NELL1: variants seen among roughly 807,000 people sequenced by gnomAD.
NELL1 encodes the protein protein kinase C-binding protein NELL1.
Under a neutral mutation model 107.4 loss-of-function variants are expected in NELL1, and 76 were observed. That is an observed-to-expected ratio of 0.71 (90% confidence interval 0.59 to 0.86). The LOEUF (loss-of-function observed/expected upper bound fraction) is 0.86, where lower values mean the gene tolerates loss of function less well. Among genes scored for constraint, NELL1 ranks in the 40% least tolerant of loss-of-function variants. The pLI is 0.00. For missense variants in NELL1, 1,024 were observed against 1,005.5 expected, an observed-to-expected ratio of 1.02 and a Z score of -0.25; for synonymous variants, 353 against 341.2, an observed-to-expected ratio of 1.03 and a Z score of -0.38.
At position 20,692,153 on chromosome 11, in the gene NELL1, T is replaced by C. The variant is rs542833422; in HGVS notation, c.184+14093T>C. On this transcript the variant is annotated intron_variant, in intron 2 of 19. Transcript: ENST00000357134. Reference sequence around the variant, plus strand: ...ATATCCCCTTTATCATTTTTTATTGTGTCTATTTGATTCTTCTCTCTTTTT... The same window carrying C: ...ATATCCCCTTTATCATTTTTTATTGCGTCTATTTGATTCTTCTCTCTTTTT... Among the ~76,000 whole-genome samples the C allele has an allele frequency of 8.2e-3, 1,236 of 151,214 alleles. 11 individuals are homozygous for C. The highest frequency in any genetic ancestry group is 0.028 in the African/African-American group (1,164 of 41,254).
intron 14 of NELL1, among the ~76,000 whole-genome samples, chr11:21,234,434 T>G (rs1858147863): frequency 6.6e-6 from 1 of 152,068 alleles, no homozygotes; most frequent in South Asian, 2.1e-4. Context: ...AACTTTGGGG[T>G]TTCTCACTCC....
intron 5 of NELL1, among the ~76,000 whole-genome samples, chr11:20,908,216 G>T (rs1850047251): frequency 6.6e-6 from 1 of 152,132 alleles, no homozygotes; most frequent in Non-Finnish European, 1.5e-5. Context: ...ATAGCCAAAG[G>T]AATATAAGTC....
intron 14 of NELL1, among the ~76,000 whole-genome samples, chr11:21,318,801 T>G (rs1162894181): frequency 1.3e-5 from 2 of 152,096 alleles, no homozygotes; most frequent in Non-Finnish European, 2.9e-5. Context: ...TTTGCTTTAT[T>G]TCTGCTAGGA....
At chr11:21,371,990 A>G (rs1226348108) in intron 15 of NELL1, among the ~76,000 whole-genome samples, 2 of 152,092 alleles carry the variant, frequency 1.3e-5, no homozygotes, top group Non-Finnish European at 2.9e-5. Context: ...TAATCCTTTT[A>G]AAGACATGCC....
chr11:21,229,206 A>G (rs574990169), intron 13 of NELL1, 126 bp from the exon 14 acceptor site: 24 of 1,011,764 alleles, frequency 2.4e-5, no homozygotes, highest in East Asian at 1.9e-4. Context: ...TTTTAGGCGC[A>G]TAGTAAGGTA....
chr11:20,706,373 A>G (rs368092960), intron 2 of NELL1, among the ~76,000 whole-genome samples: 3 of 152,118 alleles, frequency 2.0e-5, no homozygotes, highest in East Asian at 1.9e-4. Flanking sequence ...TTGTAGGGAC[A>G]TGGATGAAGC....
Position 21,170,657 on chromosome 11 carries a change from ATATATATACTGTAT to A in NELL1, c.1426+56952_1426+56965del, listed in dbSNP as rs1157790964. ...ACATACAAATGTGTCTTTCCAGTATATATATATACTGTATTATATATATACTGTAGTTTATATAT... is the reference window on the plus strand; with the variant it reads ...ACATACAAATGTGTCTTTCCAGTATATATATATATACTGTAGTTTATATAT... On this transcript the variant is annotated intron_variant, in intron 13 of 19. Transcript: ENST00000357134. 7.9e-3 allele frequency among the ~76,000 whole-genome samples: 1,188 copies of A among 149,672 alleles called. 44 individuals are homozygous for A. The highest frequency in any genetic ancestry group is 0.028 in the African/African-American group (1,121 of 40,646).
At chr11:20,921,160 A>G (rs1850368451) in intron 7 of NELL1, among the ~76,000 whole-genome samples, 1 of 152,160 alleles carries the variant, frequency 6.6e-6, no homozygotes, top group Non-Finnish European at 1.5e-5. Context: ...AATTATAACT[A>G]TTGAAAACTA....
intron 11 of NELL1, 123 bp from the exon 12 acceptor site, chr11:20,960,309 T>G (rs1851264110): frequency 9.9e-6 from 10 of 1,006,724 alleles, no homozygotes; most frequent in Non-Finnish European, 1.3e-5. Context: ...AGTTTATCCG[T>G]GCATACTGCC....
Position 20,691,635 on chromosome 11 carries a change from A to C in NELL1, c.184+13575A>C, listed in dbSNP as rs868863824. 7.0e-3 allele frequency among the ~76,000 whole-genome samples: 1,059 copies of C among 151,602 alleles called. 6 individuals are homozygous for C. The highest frequency in any genetic ancestry group is 0.023 in the African/African-American group (938 of 41,028). The stretch of plus-strand genomic sequence containing the variant: ...AGCCTTGCATCCCAGGGATGAAGCC[A>C]ACTTGATCATGGTGGATAAGCTTTT... On this transcript the variant is annotated intron_variant, in intron 2 of 19. Coordinates refer to ENST00000357134, the MANE Select transcript of NELL1 (RefSeq NM_006157.5).
chr11:20,968,014 C>T (rs577085026), intron 12 of NELL1, among the ~76,000 whole-genome samples: 1 of 152,288 alleles, frequency 6.6e-6, no homozygotes, highest in South Asian at 2.1e-4. Flanking sequence ...AGGCCCTTCA[C>T]TCAGATCTTT....
At position 21,113,599 on chromosome 11, in the gene NELL1, G is replaced by C; in HGVS notation, c.1311G>C (p.Glu437Asp). Residue 437 changes from glutamate to aspartate, a missense_variant, in exon 13 of 20, where the codon GAG (glutamate) becomes GAC (aspartate). Glu to Asp is a conservative substitution (Grantham distance 45). Coordinates refer to ENST00000357134, the MANE Select transcript of NELL1 (RefSeq NM_006157.5). ...TTTTTTTTCCTTCAGATATTGATGA[G>C]TGTGCAGCTAAGATGCATTACTGTC... ...GDSAYCEDID[E>D]CAAKMHYCHA... is the part of the protein sequence containing the mutation. The C allele has an allele frequency of 6.2e-7, 1 of 1,610,736 alleles. No individual in the cohort carries two copies. Among genetic ancestry groups the C allele is most frequent in the Non-Finnish European group, 8.5e-7 (1 of 1,178,058 alleles).
intron 6 of NELL1, 47 bp from the exon 7 acceptor site, chr11:20,919,205 A>G: frequency 8.4e-7 from 1 of 1,191,216 alleles, no homozygotes; most frequent in Non-Finnish European, 1.2e-6. Context: ...TTTATTTCTT[A>G]TATTAGCACA....
intron 13 of NELL1, among the ~76,000 whole-genome samples, chr11:21,144,459 G>A (rs186785706): frequency 9.9e-5 from 15 of 152,276 alleles, no homozygotes; most frequent in East Asian, 7.7e-4. Flanking sequence ...ACAAAACAAT[G>A]CATATAAAGC....
chr11:21,324,681 A>G (rs1298548956), intron 14 of NELL1, among the ~76,000 whole-genome samples: 1 of 152,082 alleles, frequency 6.6e-6, no homozygotes, highest in Non-Finnish European at 1.5e-5. Flanking sequence ...TTACCGTTCA[A>G]TGGAAATATT....
rs114638511 is a variant in NELL1 at position 21,229,352 on chromosome 11, G to A, written c.1447G>A (p.Gly483Ser). The change falls in exon 14 of 20, where the codon GGC becomes AGC. Residue 483 changes from glycine to serine, a missense_variant. By Grantham distance (56) the Gly-to-Ser change is moderately conservative. Transcript: ENST00000357134. ...AACAGAACACGATGAATGTGGCAGC[G>A]GCCAGCACAACTGTGATGAGAATGC... ...SCTEHDECGS[G>S]QHNCDENAIC... 1,352 of 1,613,840 alleles carry A rather than the reference G, an allele frequency of 8.4e-4. 13 individuals carry two copies. The African/African-American group carries it at 0.016, about 19-fold the overall frequency.
chr11:20,706,845 A>T (rs1435932966), intron 2 of NELL1, among the ~76,000 whole-genome samples: 7 of 152,056 alleles, frequency 4.6e-5, no homozygotes. Flanking sequence ...TGAATCTGAC[A>T]ATTATGTGTC....
intron 7 of NELL1, among the ~76,000 whole-genome samples, chr11:20,922,075 C>CT (rs978657269): frequency 9.2e-5 from 14 of 152,004 alleles, no homozygotes; most frequent in African/African-American, 3.1e-4. Flanking sequence ...AAGCCTCCTT[C>CT]TTTTTGTTCA....
chr11:21,509,562 TAAG>T lies in NELL1; in HGVS notation c.1646-24809_1646-24807del, dbSNP rs1256378913. Among the ~76,000 whole-genome samples, 11 of 152,196 alleles carry T rather than the reference TAAG, an allele frequency of 7.2e-5. 1 individual carries two copies. The East Asian group carries it at 1.5e-3, about 21-fold the overall frequency. On this transcript the variant is annotated intron_variant, in intron 15 of 19. Transcript: ENST00000357134. Reference sequence around the variant, plus strand: ...GTAAATATCAAAATAACAAATGAAATAAGAAAGTTACAAAGTTTTGTGTGCAGC... The same window carrying T: ...GTAAATATCAAAATAACAAATGAAATAAAGTTACAAAGTTTTGTGTGCAGC...
Sources: allele counts gnomAD v4.1 joint callset (sites outside exome capture counted in the v4.1 genomes callset), GRCh38; gene constraint gnomAD v4.1.1; transcripts MANE v1.5; gene names NCBI Gene and HGNC (gene_info 2026-07-23, HGNC 2026-07-21).